The following CFAP58 variants were observed in gnomAD, a reference collection of about 807,000 sequenced individuals.
The protein encoded by CFAP58 is cilia- and flagella-associated protein 58.
In CFAP58, 88 loss-of-function variants were observed where a neutral mutation model predicts 119.5. The ratio of observed to expected loss-of-function variants is 0.74; its 90% CI spans 0.62 to 0.88. The LOEUF is 0.88. CFAP58 is among the 40% of genes least tolerant of loss of function. The pLI is 0.00. For synonymous variants in CFAP58, 365 were observed against 366.3 expected (o/e 1.00, Z 0.04); for missense variants, 990 against 1,021.2 (o/e 0.97, Z 0.42).
intron 1 of CFAP58, among the ~76,000 whole-genome samples, chr10:104,357,952 T>TACACAC (rs2014599935): frequency 8.7e-6 from 1 of 115,328 alleles, no homozygotes; most frequent in East Asian, 2.1e-4. Context: ...TGTACACATA[T>TACACAC]ATACACATAT....
At chr10:104,429,497 T>G (rs1749669203) in intron 15 of CFAP58, among the ~76,000 whole-genome samples, 2 of 152,198 alleles carry the variant, frequency 1.3e-5, no homozygotes, top group Admixed American at 1.3e-4. Flanking sequence ...CTGTGGCATA[T>G]CAGCTCCTGT....
intron 9 of CFAP58, among the ~76,000 whole-genome samples, chr10:104,381,666 C>T (rs150415299): frequency 1.3e-5 from 2 of 151,914 alleles, no homozygotes; most frequent in South Asian, 2.1e-4. Context: ...AAGGGACAGC[C>T]AATATTTGTA....
intron 9 of CFAP58, among the ~76,000 whole-genome samples, chr10:104,385,030 C>G (rs933241545): frequency 2.6e-5 from 4 of 152,246 alleles, no homozygotes; most frequent in African/African-American, 9.6e-5. Flanking sequence ...TTAAGTTCCT[C>G]AAACCTCCGG....
chr10:104,353,731 G>C (rs2014499265), upstream of CFAP58: 8 of 646,030 alleles, frequency 1.2e-5, no homozygotes, highest in East Asian at 2.2e-4. Context: ...AGCGCCCCTA[G>C]AGGGCGTGTC....
intron 15 of CFAP58, among the ~76,000 whole-genome samples, chr10:104,441,315 C>A (rs1203982423): frequency 6.6e-6 from 1 of 152,186 alleles, no homozygotes; most frequent in Non-Finnish European, 1.5e-5. Flanking sequence ...CCTTACTGAT[C>A]TTTGTGTGAA....
chr10:104,420,004 A>G (rs2012629544), intron 15 of CFAP58, among the ~76,000 whole-genome samples: 2 of 152,174 alleles, frequency 1.3e-5, no homozygotes, highest in African/African-American at 4.8e-5. Context: ...AGATCAGGAA[A>G]CTAAAGCTCA....
At chr10:104,369,179 A>G (rs1272484371) in intron 6 of CFAP58, among the ~76,000 whole-genome samples, 2 of 152,182 alleles carry the variant, frequency 1.3e-5, no homozygotes, top group South Asian at 2.1e-4. Flanking sequence ...AAAAAAATCC[A>G]TATTCCCTAC....
intron 9 of CFAP58, chr10:104,382,411 C>T (rs749103895): frequency 3.9e-6 from 2 of 509,124 alleles, no homozygotes; most frequent in Non-Finnish European, 7.1e-6. Context: ...TCTCTCCATT[C>T]CGAGGTGCCA....
intron 6 of CFAP58, among the ~76,000 whole-genome samples, chr10:104,370,056 T>G (rs1564881646): frequency 6.6e-6 from 1 of 152,154 alleles, no homozygotes; most frequent in Non-Finnish European, 1.5e-5. Context: ...CCAACATACT[T>G]TGAGGAAGGA....
intron 15 of CFAP58, 81 bp downstream of exon 15, chr10:104,406,874 T>C: frequency 1.9e-6 from 2 of 1,059,508 alleles, no homozygotes; most frequent in Non-Finnish European, 2.9e-6. Flanking sequence ...AATTAGTTAT[T>C]TGGCAGCATT....
rs541914998 is a variant in CFAP58 at position 104,411,203 on chromosome 10, G to A, written c.2256+4410G>A. ...GATCTGCTGGCCTTGGCCTCCCAAA[G>A]TGTTAATCTTAATCTTCTTGTTCAC... On this transcript the variant is annotated intron_variant, in intron 15 of 17. Transcript: ENST00000369704. Among the ~76,000 whole-genome samples, 8 of 152,272 alleles carry A rather than the reference G, an allele frequency of 5.3e-5. No individual in the cohort carries two copies. The East Asian group carries it at 1.2e-3, about 22-fold the overall frequency.
intron 15 of CFAP58, among the ~76,000 whole-genome samples, chr10:104,416,330 T>G (rs904398209): frequency 6.6e-6 from 1 of 152,144 alleles, no homozygotes; most frequent in Non-Finnish European, 1.5e-5. Context: ...ATGCATTCTT[T>G]TACATTCACC....
intron 15 of CFAP58, among the ~76,000 whole-genome samples, chr10:104,419,683 A>G (rs1487169302): frequency 6.6e-6 from 1 of 151,940 alleles, no homozygotes; most frequent in Non-Finnish European, 1.5e-5. Flanking sequence ...AGTCAAGAGC[A>G]TGGATCCTGT....
chr10:104,452,138 AT>A (rs1266502850), intron 17 of CFAP58, among the ~76,000 whole-genome samples: 48 of 152,104 alleles, frequency 3.2e-4, no homozygotes, highest in African/African-American at 1.2e-3. Context: ...CCTGCAATGT[AT>A]TTTAATTTAT....
chr10:104,410,927 A>G (rs1014423907), intron 15 of CFAP58, among the ~76,000 whole-genome samples: 1 of 150,936 alleles, frequency 6.6e-6, no homozygotes, highest in Non-Finnish European at 1.5e-5. Flanking sequence ...CTTTATCTCT[A>G]TTTATTTATT....
At position 104,442,994 on chromosome 10, in the gene CFAP58, G is replaced by A. The variant is rs77846223; in HGVS notation, c.2257-4704G>A. On this transcript the variant is annotated intron_variant, in intron 15 of 17. Coordinates refer to ENST00000369704, the MANE Select transcript of CFAP58 (RefSeq NM_001008723.2). Reference sequence around the variant, plus strand: ...ATGTTGGTAAAATACGATGGGCATAGTTTGCTGACCTGACCGTGTAATTGC... The same window carrying A: ...ATGTTGGTAAAATACGATGGGCATAATTTGCTGACCTGACCGTGTAATTGC... 2.6e-3 allele frequency among the ~76,000 whole-genome samples: 389 copies of A among 152,308 alleles called. 1 individual carries two copies. The highest frequency in any genetic ancestry group is 8.3e-3 in the South Asian group (40 of 4,828).
Position 104,421,030 on chromosome 10 carries a change from C to T in CFAP58, c.2256+14237C>T, listed in dbSNP as rs981233452. The stretch of plus-strand genomic sequence containing the variant: ...GGCCTGCCAAAGTGCTGGAATTACA[C>T]GCATGAGCCACCGCACCTGGCCTCC... On this transcript the variant is annotated intron_variant, in intron 15 of 17. Transcript: ENST00000369704. Among the ~76,000 whole-genome samples the T allele has an allele frequency of 3.9e-5, 6 of 152,180 alleles. No individual in the cohort carries two copies. The South Asian group carries it at 8.3e-4, about 21-fold the overall frequency.
chr10:104,450,395 C>T (rs989238962), intron 17 of CFAP58, among the ~76,000 whole-genome samples, 191 bp downstream of exon 17: 3 of 152,168 alleles, frequency 2.0e-5, no homozygotes, highest in African/African-American at 7.2e-5. Flanking sequence ...TGAGTCCCCT[C>T]CTTGGGATTC....
At chr10:104,426,435 G>A (rs770193476) in intron 15 of CFAP58, among the ~76,000 whole-genome samples, 1 of 113,084 alleles carries the variant, frequency 8.8e-6, no homozygotes, top group Non-Finnish European at 1.9e-5. Flanking sequence ...CCTTCCCCCC[G>A]CCGCCTTCCA....
Sources: allele counts gnomAD v4.1 joint callset (sites outside exome capture counted in the v4.1 genomes callset), GRCh38; gene constraint gnomAD v4.1.1; transcripts MANE v1.5; gene names NCBI Gene and HGNC (gene_info 2026-07-23, HGNC 2026-07-21).